PDE8B: variants seen among roughly 807,000 people sequenced by gnomAD.
PDE8B encodes the protein high affinity cAMP-specific and IBMX-insensitive 3',5'-cyclic phosphodiesterase 8B.
PDE8B carries 26 observed loss-of-function variants against 101.3 expected under a neutral mutation model. That is an observed-to-expected ratio of 0.26 (90% CI 0.19 to 0.36). The LOEUF is 0.36. PDE8B is among the 10% of genes least tolerant of loss of function. The pLI is 1.00. For synonymous variants in PDE8B, 424 were observed against 429.3 expected (o/e 0.99, Z 0.15); for missense variants, 810 against 1,163.1 (o/e 0.70, Z 4.42).
At chr5:77,254,347 T>C (rs1758677338) in intron 1 of PDE8B, among the ~76,000 whole-genome samples, 1 of 152,148 alleles carries the variant, frequency 6.6e-6, no homozygotes, top group South Asian at 2.1e-4. Context: ...ATCTCAGAAC[T>C]ATTTGAATAA....
At chr5:77,221,020 G>A (rs1164214139) in intron 1 of PDE8B, among the ~76,000 whole-genome samples, 1 of 152,162 alleles carries the variant, frequency 6.6e-6, no homozygotes, top group African/African-American at 2.4e-5. Context: ...GGTGTGTCGA[G>A]CTTCTTTGTG....
chr5:77,366,102 T>C (rs1023187321), intron 10 of PDE8B, among the ~76,000 whole-genome samples: 2 of 152,232 alleles, frequency 1.3e-5, no homozygotes, highest in African/African-American at 4.8e-5. Context: ...TCATGTCTCT[T>C]GCACATTAAT....
chr5:77,420,370 T>A (rs1183147402), intron 19 of PDE8B, among the ~76,000 whole-genome samples: 1 of 127,066 alleles, frequency 7.9e-6, no homozygotes, highest in Admixed American at 8.0e-5. Context: ...TTTCCTTTTT[T>A]AAAACCTACT....
the PDE8B span, among the ~76,000 whole-genome samples, chr5:77,205,032 G>C: frequency 6.6e-6 from 1 of 152,188 alleles, no homozygotes; most frequent in Non-Finnish European, 1.5e-5. Context: ...AAGTTCTGGA[G>C]GTGAGTAGCA....
chr5:77,240,443 G>T (rs1342260040), intron 1 of PDE8B, among the ~76,000 whole-genome samples: 4 of 152,178 alleles, frequency 2.6e-5, no homozygotes, highest in Non-Finnish European at 5.9e-5. Context: ...GTGAGCCACC[G>T]CGCCCGGCCA....
intron 10 of PDE8B, among the ~76,000 whole-genome samples, chr5:77,386,899 C>T (rs1296771079): frequency 1.6e-5 from 1 of 62,130 alleles, no homozygotes; most frequent in Non-Finnish European, 2.6e-5. Context: ...TTTTTTGAGA[C>T]GGAGTCTCGC....
intron 2 of PDE8B, among the ~76,000 whole-genome samples, chr5:77,313,286 T>C (rs1196646506): frequency 1.4e-5 from 2 of 139,462 alleles, no homozygotes; most frequent in Non-Finnish European, 3.1e-5. Context: ...GAAATGCAAA[T>C]CTAGGAAAGG....
rs150430160 is a variant in PDE8B, at chr5:77,385,043, G to C, written c.1168-15205G>C. Reference sequence around the variant, plus strand: ...GTATTGTTTGGAATAGTTTTAGAATGAATGGTACCAGCTCCTCTTTGTACC... The same window carrying C: ...GTATTGTTTGGAATAGTTTTAGAATCAATGGTACCAGCTCCTCTTTGTACC... On this transcript the variant is annotated intron_variant, in intron 10 of 21. Transcript: ENST00000264917. Among the ~76,000 whole-genome samples the C allele has an allele frequency of 4.9e-3, 750 of 152,274 alleles. 4 individuals are homozygous for C. The highest frequency in any genetic ancestry group is 8.0e-3 in the Non-Finnish European group (545 of 68,016).
intron 1 of PDE8B, among the ~76,000 whole-genome samples, chr5:77,304,699 TGTGA>T (rs1439560099): frequency 3.9e-5 from 6 of 152,240 alleles, no homozygotes; most frequent in Admixed American, 3.9e-4. Flanking sequence ...TGTCACTGGC[TGTGA>T]GTATCTTGTA....
intron 12 of PDE8B, 65 bp from the exon 13 acceptor site, chr5:77,407,316 C>T (rs868348412): frequency 2.5e-6 from 3 of 1,216,876 alleles, no homozygotes; most frequent in South Asian, 1.2e-5. Context: ...TGAAGGGACT[C>T]CTTTGCTGCA....
intron 20 of PDE8B, among the ~76,000 whole-genome samples, chr5:77,423,676 G>C (rs1797252643): frequency 1.1e-5 from 1 of 90,546 alleles, no homozygotes; most frequent in South Asian, 3.8e-4. Context: ...GTCTTGCTCT[G>C]TTGCCCAGGC....
At chr5:77,269,593 G>A (rs561371736) in intron 1 of PDE8B, among the ~76,000 whole-genome samples, 51 of 152,178 alleles carry the variant, frequency 3.4e-4, no homozygotes, top group African/African-American at 1.2e-3. Context: ...TCTTTTAACG[G>A]TTTCATAGTT....
chr5:77,121,657 G>A, the PDE8B span, among the ~76,000 whole-genome samples: 31 of 152,124 alleles, frequency 2.0e-4, no homozygotes, highest in African/African-American at 6.3e-4. Flanking sequence ...ACAGGCGTGC[G>A]CCACCACGCC....
intron 1 of PDE8B, among the ~76,000 whole-genome samples, chr5:77,225,464 T>C (rs187769455): frequency 5.3e-5 from 8 of 152,328 alleles, no homozygotes; most frequent in Admixed American, 1.3e-4. Flanking sequence ...GTTTGACAGA[T>C]TTCCTGCCTT....
intron 8 of PDE8B, 60 bp from the exon 9 acceptor site, chr5:77,351,005 C>A: frequency 8.2e-7 from 1 of 1,214,830 alleles, no homozygotes; most frequent in Non-Finnish European, 1.2e-6. Context: ...CTGAGACCCT[C>A]TGCAGGAGCA....
chr5:77,199,055 C>G, the PDE8B span, among the ~76,000 whole-genome samples: 2 of 152,140 alleles, frequency 1.3e-5, no homozygotes, highest in Non-Finnish European at 2.9e-5. Context: ...GGCTCTCAGA[C>G]CTTTCCAGGG....
the PDE8B span, among the ~76,000 whole-genome samples, chr5:77,193,665 A>T: frequency 6.6e-6 from 1 of 152,290 alleles, no homozygotes; most frequent in Admixed American, 6.5e-5. Context: ...TTGCATTTCT[A>T]CATAATTTTT....
the PDE8B span, among the ~76,000 whole-genome samples, chr5:77,201,547 C>T: frequency 2.0e-5 from 3 of 152,132 alleles, no homozygotes; most frequent in Non-Finnish European, 4.4e-5. Flanking sequence ...CCAGAAAGTG[C>T]AAATCCAGAT....
chr5:77,321,624 A>C (rs1581028918), intron 2 of PDE8B, among the ~76,000 whole-genome samples: 1 of 152,286 alleles, frequency 6.6e-6, no homozygotes, highest in East Asian at 1.9e-4. Flanking sequence ...AGAAGGTATT[A>C]TTTTTAAGAG....
Sources: allele counts gnomAD v4.1 joint callset (sites outside exome capture counted in the v4.1 genomes callset), GRCh38; gene constraint gnomAD v4.1.1; transcripts MANE v1.5; gene names NCBI Gene and HGNC (gene_info 2026-07-23, HGNC 2026-07-21).